RBM26: variants seen among roughly 807,000 people sequenced by gnomAD.
The protein encoded by RBM26 is RNA-binding protein 26.
A neutral mutation model predicts 123.6 loss-of-function variants in RBM26; 30 were observed. The observed-to-expected ratio is 0.24, with a 90% CI of 0.18 to 0.33. The LOEUF (loss-of-function observed/expected upper bound fraction) is 0.33, where lower values mean the gene tolerates loss of function less well. Ranked by LOEUF, RBM26 falls within the 10% of genes least tolerant of loss-of-function variation. The pLI is 1.00. For synonymous variants in RBM26, 400 were observed against 404.4 expected (o/e 0.99, Z 0.13); for missense variants, 947 against 1,203.6 (o/e 0.79, Z 3.15).
At chr13:79,391,112 T>A (rs1299646027) in intron 1 of RBM26, among the ~76,000 whole-genome samples, 1 of 152,150 alleles carries the variant, frequency 6.6e-6, no homozygotes, top group Non-Finnish European at 1.5e-5. Context: ...AAAAATAAGA[T>A]CATAAAGGAC....
At chr13:79,384,516 C>T (rs1455279573) in intron 1 of RBM26, among the ~76,000 whole-genome samples, 1 of 152,092 alleles carries the variant, frequency 6.6e-6, no homozygotes, top group Admixed American at 6.6e-5. Flanking sequence ...CTCGGCCTCC[C>T]AAAGTGTTGG....
intron 16 of RBM26, among the ~76,000 whole-genome samples, chr13:79,343,189 G>C (rs1157501058): frequency 6.6e-6 from 1 of 151,710 alleles, no homozygotes; most frequent in African/African-American, 2.4e-5. Context: ...TTGATGTTAC[G>C]CCTCTAAGTA....
At chr13:79,393,002 A>C (rs1288843200) in intron 1 of RBM26, among the ~76,000 whole-genome samples, 20 of 152,190 alleles carry the variant, frequency 1.3e-4, no homozygotes, top group Admixed American at 1.3e-3. Context: ...GATTAGAATC[A>C]GAAGTACCAC....
rs755362372 is a variant in RBM26 at position 79,358,377 on chromosome 13, T to A, written c.1586A>T (p.Asn529Ile). 1 of 1,611,912 alleles carries A rather than the reference T, an allele frequency of 6.2e-7. No homozygotes were observed. The change falls in exon 11 of 22, where the codon AAT becomes ATT. Residue 529 changes from asparagine to isoleucine, a missense_variant. This residue lies in a region of RBM26 where 493 missense variants were observed against 563.1 expected (regional missense o/e 0.88). Transcript: ENST00000438737. Reference protein sequence around the residue: ...PGFQKKVQFGNENTKLELRKV... With the variant: ...PGFQKKVQFGIENTKLELRKV... ...TCTAAGTTCAAGCTTGGTATTTTCA[T>A]TTCCAAATTGAACCTTCTTCTGAAA...
chr13:79,391,881 T>C (rs2078026436), intron 1 of RBM26, among the ~76,000 whole-genome samples: 1 of 150,550 alleles, frequency 6.6e-6, no homozygotes, highest in Admixed American at 6.6e-5. Flanking sequence ...TCAGAAAAAC[T>C]AGGGAGTGTA....
intron 18 of RBM26, among the ~76,000 whole-genome samples, chr13:79,338,333 T>C (rs1270412024): frequency 6.6e-6 from 1 of 151,052 alleles, no homozygotes; most frequent in South Asian, 2.1e-4. Context: ...CCCACTAGAA[T>C]GTACGTTCCC....
chr13:79,381,507 TA>T (rs2077068039), intron 1 of RBM26, among the ~76,000 whole-genome samples: 1 of 152,060 alleles, frequency 6.6e-6, no homozygotes, highest in Non-Finnish European at 1.5e-5. Flanking sequence ...TGCTGTAATT[TA>T]ATATTGGTTT....
rs752747850 is a variant in RBM26 at position 79,368,790 on chromosome 13, C to T, written c.835G>A (p.Val279Met). 6.2e-7 allele frequency: 1 copy of T among 1,613,954 alleles called. No individual in the cohort carries two copies. The change falls in exon 6 of 22, where the codon GTG (valine) becomes ATG (methionine). Residue 279 changes from valine (V) to methionine (M), a missense_variant. By Grantham distance (21) the Val-to-Met change is conservative. Around this residue, in one of 5 missense-constraint regions of RBM26, gnomAD observed 275 missense variants for 361.0 expected, o/e 0.76. Transcript: ENST00000438737. ...ESWSEFHEDQ[V>M]DHNSYVRPPM... The stretch of plus-strand genomic sequence containing the variant: ...GGTCTTACGTAAGAGTTATGGTCCA[C>T]TTGGTCTTCATGAAATTCAGACCAA...
chr13:79,383,774 T>A (rs959247834), intron 1 of RBM26, among the ~76,000 whole-genome samples: 1 of 151,330 alleles, frequency 6.6e-6, no homozygotes, highest in Non-Finnish European at 1.5e-5. Context: ...AAAGATAAAG[T>A]GTAAAGGAGG....
At chr13:79,315,073 C>A, downstream of RBM26, 1 of 769,712 alleles carries the variant, frequency 1.3e-6, no homozygotes. Context: ...ATAAATTGAC[C>A]TCCAACTTTT....
chr13:79,315,651 G>A (rs1389540470), downstream of RBM26, among the ~76,000 whole-genome samples: 6 of 151,704 alleles, frequency 4.0e-5, no homozygotes, highest in Admixed American at 1.3e-4. Flanking sequence ...AAGTGGATAC[G>A]AAAAAAGTAG....
chr13:79,366,093 T>C lies in RBM26; in HGVS notation c.1238A>G (p.His413Arg), dbSNP rs1566468826. 1 of 1,613,978 alleles carries C rather than the reference T, an allele frequency of 6.2e-7. No homozygotes were observed. The highest frequency in any genetic ancestry group is 8.5e-7 in the Non-Finnish European group (1 of 1,179,946). Residue 413 changes from histidine to arginine, a missense_variant, in exon 8 of 22, where the codon CAC (histidine) becomes CGC (arginine). Transcript: ENST00000438737. ...AGAGGGTGGAGCAGGAGGAGGCTGG[T>C]GATGAATGCCAGTTGTTACTACAGT... ...VPTVVTTGIH[H>R]QPPPAPPSLF...
intron 3 of RBM26, 81 bp from the exon 4 acceptor site, chr13:79,372,011 T>C: frequency 9.7e-7 from 1 of 1,034,852 alleles, no homozygotes; most frequent in Non-Finnish European, 1.4e-6. Context: ...CTGGGCACAG[T>C]GGTTCATGCC....
chr13:79,340,485 C>T (rs2071184045), intron 18 of RBM26, among the ~76,000 whole-genome samples: 1 of 152,024 alleles, frequency 6.6e-6, no homozygotes, highest in South Asian at 2.1e-4. Flanking sequence ...ACAATACAGA[C>T]ATGTGCCAAC....
chr13:79,391,574 C>A (rs1045141106), intron 1 of RBM26, among the ~76,000 whole-genome samples: 1 of 152,060 alleles, frequency 6.6e-6, no homozygotes, highest in Non-Finnish European at 1.5e-5. Context: ...CAGGCGCCCA[C>A]CACAACACCA....
chr13:79,354,371 C>A, intron 13 of RBM26, 68 bp downstream of exon 13: 1 of 1,266,684 alleles, frequency 7.9e-7, no homozygotes, highest in Non-Finnish European at 1.0e-6. Context: ...AACTATAATT[C>A]AAATCACCAA....
chr13:79,381,464 C>T (rs2077066566), intron 1 of RBM26, among the ~76,000 whole-genome samples: 1 of 151,826 alleles, frequency 6.6e-6, no homozygotes, highest in African/African-American at 2.4e-5. Context: ...ATTGCAACTG[C>T]TGTATATAAA....
At chr13:79,362,288 T>G (rs2074788090) in intron 9 of RBM26, among the ~76,000 whole-genome samples, 1 of 152,204 alleles carries the variant, frequency 6.6e-6, no homozygotes, top group African/African-American at 2.4e-5. Flanking sequence ...TTACCCCTAT[T>G]CTAAGCCTCC....
chr13:79,336,233 T>C (rs908479169), intron 19 of RBM26, among the ~76,000 whole-genome samples: 1 of 152,176 alleles, frequency 6.6e-6, no homozygotes, highest in South Asian at 2.1e-4. Context: ...TCTATTGTTC[T>C]TTTTTCCATC....
Sources: gnomAD v4.1 joint callset for allele counts (sites outside exome capture counted in the v4.1 genomes callset) on GRCh38, gnomAD v4.1.1 for gene constraint, gnomAD v4.1.1 regional missense constraint, MANE v1.5 for transcripts, NCBI Gene and HGNC (gene_info 2026-07-23, HGNC 2026-07-21) for gene names.